DLGAP2: variants seen among roughly 807,000 people sequenced by gnomAD.
DLGAP2 encodes DLG associated protein 2, also known as disks large-associated protein 2.
A neutral mutation model predicts 100.3 loss-of-function variants in DLGAP2; 26 were observed. The ratio of observed to expected loss-of-function variants is 0.26; its 90% confidence interval spans 0.19 to 0.36. DLGAP2 has a LOEUF of 0.36. Ranked by LOEUF, DLGAP2 falls within the 10% of genes least tolerant of loss-of-function variation. The probability of loss-of-function intolerance (pLI) is 1.00; values close to 1 mark genes in which losing one functional copy is unlikely to be tolerated. For synonymous variants in DLGAP2, 886 were observed against 630.1 expected (o/e 1.41, Z -6.08); for missense variants, 1,858 against 1,453.2 (o/e 1.28, Z -4.53).
chr8:1,235,688 A>G (rs182999860), intron 2 of DLGAP2, among the ~76,000 whole-genome samples: 2 of 25,416 alleles, frequency 7.9e-5, no homozygotes, highest in East Asian at 1.3e-3. Flanking sequence ...ACATGGCGCC[A>G]TGTCTAGTTC....
At chr8:1,275,006 T>A (rs1799654477) in intron 3 of DLGAP2, among the ~76,000 whole-genome samples, 1 of 152,128 alleles carries the variant, frequency 6.6e-6, no homozygotes. Flanking sequence ...TTCACTTCCC[T>A]GTTTATTGCT....
At chr8:1,449,748 G>A (rs1243420496) in intron 3 of DLGAP2, among the ~76,000 whole-genome samples, 1 of 152,198 alleles carries the variant, frequency 6.6e-6, no homozygotes, top group Non-Finnish European at 1.5e-5. Context: ...TGCAGGATGC[G>A]AATGGGAGAG....
rs7834591 is a variant in DLGAP2 at position 1,407,737 on chromosome 8, G to T, written c.107-93629G>T. Reference sequence around the variant, plus strand: ...TGTATTGAGTGCTTACTGAGCGCCAGCTCGTCATCCTCCAGAGTCGTGTAT... The same window carrying T: ...TGTATTGAGTGCTTACTGAGCGCCATCTCGTCATCCTCCAGAGTCGTGTAT... On this transcript the variant is annotated intron_variant, in intron 3 of 14. Coordinates refer to ENST00000637795, the MANE Select transcript of DLGAP2 (RefSeq NM_001346810.2). 7.2e-4 allele frequency among the ~76,000 whole-genome samples: 41 copies of T among 56,592 alleles called. 3 individuals carry two copies. The South Asian group carries it at 8.1e-3, about 11-fold the overall frequency. The allele number at this position is 56,592 out of a possible 152,430, so 37.1% of individuals were successfully genotyped here. A position where few individuals can be genotyped will look rare whatever the true frequency, so the allele number is the denominator to read the frequency against.
chr8:1,267,243 ATAAAT>A (rs1349413667), intron 3 of DLGAP2, among the ~76,000 whole-genome samples: 46 of 43,818 alleles, frequency 1.0e-3, no homozygotes, highest in Middle Eastern at 0.01. Flanking sequence ...AAATAAATAA[ATAAAT>A]AAAATAAAAT....
At chr8:1,594,304 A>G (rs1796381911) in intron 6 of DLGAP2, among the ~76,000 whole-genome samples, 1 of 152,198 alleles carries the variant, frequency 6.6e-6, no homozygotes, top group Non-Finnish European at 1.5e-5. Flanking sequence ...TTCGACAGAG[A>G]ATTCAAAACA....
chr8:1,459,902 T>G (rs1388954141), intron 3 of DLGAP2, among the ~76,000 whole-genome samples: 1 of 152,092 alleles, frequency 6.6e-6, no homozygotes, highest in South Asian at 2.1e-4. Context: ...GTCAGGCTGG[T>G]CTCAAACTCC....
chr8:1,292,299 A>G (rs1181618211), intron 3 of DLGAP2, among the ~76,000 whole-genome samples: 1 of 152,204 alleles, frequency 6.6e-6, no homozygotes, highest in Non-Finnish European at 1.5e-5. Flanking sequence ...GTGGAAGGAC[A>G]GGAGGAGAGG....
chr8:858,545 C>G (rs950599287), intron 1 of DLGAP2, among the ~76,000 whole-genome samples: 1 of 151,412 alleles, frequency 6.6e-6, no homozygotes, highest in African/African-American at 2.4e-5. Context: ...AATGCTGTCA[C>G]CGTGGGCACA....
chr8:1,696,133 C>T (rs984365824), intron 13 of DLGAP2, among the ~76,000 whole-genome samples: 3 of 152,170 alleles, frequency 2.0e-5, no homozygotes, highest in African/African-American at 4.8e-5. Flanking sequence ...TGTTGACCCA[C>T]CAGAACCTCC....
chr8:1,456,330 C>T (rs947409524), intron 3 of DLGAP2, among the ~76,000 whole-genome samples: 4 of 152,340 alleles, frequency 2.6e-5, no homozygotes, highest in Non-Finnish European at 5.9e-5. Flanking sequence ...TGTACGTATT[C>T]ATCACGCCCT....
intron 2 of DLGAP2, among the ~76,000 whole-genome samples, chr8:1,231,997 A>C (rs1798545721): frequency 6.6e-6 from 1 of 152,244 alleles, no homozygotes; most frequent in Non-Finnish European, 1.5e-5. Context: ...AAAATAAAAT[A>C]ATAAATGCCA....
At chr8:1,282,272 T>C in intron 3 of DLGAP2, among the ~76,000 whole-genome samples, 1 of 135,358 alleles carries the variant, frequency 7.4e-6, no homozygotes, top group African/African-American at 2.8e-5. Flanking sequence ...CCCTGAACCA[T>C]CCGGACATGG....
chr8:1,241,159 T>TCGTTCTCTCACATGG (rs1798784881), intron 2 of DLGAP2, among the ~76,000 whole-genome samples: 2 of 140,178 alleles, frequency 1.4e-5, no homozygotes, highest in African/African-American at 5.2e-5. Context: ...GTGCCATGTC[T>TCGTTCTCTCACATGG]AGTTCTCTCA....
At chr8:838,616 C>T (rs1796926443) in intron 1 of DLGAP2, among the ~76,000 whole-genome samples, 2 of 151,442 alleles carry the variant, frequency 1.3e-5, no homozygotes, top group Non-Finnish European at 2.9e-5. Flanking sequence ...TGCTCAGGGA[C>T]ACCAAAAAAA....
intron 2 of DLGAP2, among the ~76,000 whole-genome samples, chr8:1,218,584 C>G (rs1339697839): frequency 6.6e-6 from 1 of 151,866 alleles, no homozygotes. Context: ...TCCACCTTTG[C>G]TCTTTTTGCT....
intron 2 of DLGAP2, among the ~76,000 whole-genome samples, chr8:1,048,827 G>A (rs1003360852): frequency 6.6e-6 from 1 of 151,810 alleles, no homozygotes; most frequent in African/African-American, 2.4e-5. Context: ...TGAGTAGCCG[G>A]GATTGCATAT....
intron 4 of DLGAP2, among the ~76,000 whole-genome samples, chr8:1,509,148 C>T (rs75734402): frequency 0.03 from 4,633 of 151,902 alleles, 134 homozygotes; most frequent in African/African-American, 0.075. Flanking sequence ...CTGCCTAAAG[C>T]TGTAAAACCC....
intron 1 of DLGAP2, among the ~76,000 whole-genome samples, chr8:898,143 G>A (rs1790652919): frequency 6.6e-6 from 1 of 152,212 alleles, no homozygotes; most frequent in South Asian, 2.1e-4. Context: ...CGTACAGCAG[G>A]AAAGCGCTCA....
chr8:780,170 G>A (rs1352208106), intron 1 of DLGAP2, among the ~76,000 whole-genome samples: 2 of 152,074 alleles, frequency 1.3e-5, no homozygotes, highest in Non-Finnish European at 1.5e-5. Context: ...CTACCAGCCT[G>A]GCCCTCACTG....
Sources: gnomAD v4.1 joint callset for allele counts (sites outside exome capture counted in the v4.1 genomes callset) on GRCh38, gnomAD v4.1.1 for gene constraint, MANE v1.5 for transcripts, NCBI Gene and HGNC (gene_info 2026-07-23, HGNC 2026-07-21) for gene names.